ATP8A2: variants seen among roughly 807,000 people sequenced by gnomAD.
ATP8A2 encodes the protein ATPase phospholipid transporting 8A2.
Under a neutral mutation model 165.6 loss-of-function variants are expected in ATP8A2, and 100 were observed. The ratio of observed to expected loss-of-function variants is 0.60; its 90% CI spans 0.51 to 0.71. ATP8A2 has a LOEUF of 0.71. Among genes scored for constraint, ATP8A2 ranks in the 30% least tolerant of loss-of-function variants. ATP8A2 has a pLI of 0.00. For synonymous variants in ATP8A2, 543 were observed against 548.8 expected (o/e 0.99, Z 0.15); for missense variants, 1,227 against 1,479.5 (o/e 0.83, Z 2.80).
At chr13:25,808,312 G>T (rs1950786627) in intron 27 of ATP8A2, among the ~76,000 whole-genome samples, 2 of 151,704 alleles carry the variant, frequency 1.3e-5, no homozygotes, top group Admixed American at 1.3e-4. Flanking sequence ...TAAATTTTTT[G>T]TAGAGGCCAG....
At chr13:25,806,036 A>C (rs1325561090) in intron 27 of ATP8A2, among the ~76,000 whole-genome samples, 4 of 152,206 alleles carry the variant, frequency 2.6e-5, no homozygotes, top group African/African-American at 9.6e-5. Flanking sequence ...ATGGGAGATC[A>C]TTCTTCATTT....
intron 1 of ATP8A2, among the ~76,000 whole-genome samples, chr13:25,406,375 T>A (rs1432461930): frequency 6.6e-6 from 1 of 152,202 alleles, no homozygotes; most frequent in African/African-American, 2.4e-5. Flanking sequence ...AGATTTATGG[T>A]AAGTACCTGC....
At chr13:25,651,209 C>T (rs1293840898) in intron 24 of ATP8A2, among the ~76,000 whole-genome samples, 2 of 152,068 alleles carry the variant, frequency 1.3e-5, no homozygotes, top group Non-Finnish European at 2.9e-5. Context: ...TTTTGGGAGG[C>T]CAAGATGGGT....
At chr13:25,430,847 C>T (rs1056636800) in intron 1 of ATP8A2, among the ~76,000 whole-genome samples, 3 of 152,142 alleles carry the variant, frequency 2.0e-5, no homozygotes, top group Non-Finnish European at 4.4e-5. Flanking sequence ...ATCCACCCGC[C>T]TCGGCCTCCC....
chr13:25,441,500 A>T (rs890563468), intron 1 of ATP8A2, among the ~76,000 whole-genome samples: 5 of 152,206 alleles, frequency 3.3e-5, no homozygotes, highest in Non-Finnish European at 7.3e-5. Flanking sequence ...ACTGTGAAAT[A>T]CTTGACCGTT....
intron 36 of ATP8A2, among the ~76,000 whole-genome samples, chr13:26,013,129 C>A (rs900509458): frequency 6.6e-6 from 1 of 151,658 alleles, no homozygotes; most frequent in Non-Finnish European, 1.5e-5. Flanking sequence ...CTCTCCACTG[C>A]CCCCGACTTT....
intron 25 of ATP8A2, among the ~76,000 whole-genome samples, chr13:25,712,494 C>T (rs958939100): frequency 6.6e-6 from 1 of 152,120 alleles, no homozygotes; most frequent in Non-Finnish European, 1.5e-5. Context: ...AGGTGACTGG[C>T]GGGGCCAGAC....
chr13:25,471,568 A>G (rs1031720439), intron 2 of ATP8A2, among the ~76,000 whole-genome samples: 10 of 152,122 alleles, frequency 6.6e-5, no homozygotes, highest in African/African-American at 2.2e-4. Flanking sequence ...GTCTCAAACT[A>G]CTGACCTCAG....
intron 33 of ATP8A2, among the ~76,000 whole-genome samples, chr13:25,933,272 A>G (rs1456344304): frequency 1.3e-5 from 2 of 151,970 alleles, no homozygotes; most frequent in Non-Finnish European, 2.9e-5. Context: ...CTTGGCGGGG[A>G]TGTTCTTGGA....
intron 33 of ATP8A2, chr13:25,867,941 A>G (rs750306048): frequency 4.6e-6 from 1 of 217,556 alleles, no homozygotes; most frequent in Non-Finnish European, 9.8e-6. Context: ...ATTACTTTTT[A>G]TTTGACAAGT....
chr13:25,781,361 T>C (rs1163152276), intron 27 of ATP8A2, among the ~76,000 whole-genome samples: 1 of 152,266 alleles, frequency 6.6e-6, no homozygotes, highest in African/African-American at 2.4e-5. Context: ...TTTTTTAAAA[T>C]TGTTTTGCAA....
intron 1 of ATP8A2, among the ~76,000 whole-genome samples, chr13:25,440,329 C>T (rs2034897596): frequency 6.6e-6 from 1 of 152,128 alleles, no homozygotes. Context: ...TCTTCCTTCC[C>T]CTTTTTCCTT....
intron 33 of ATP8A2, among the ~76,000 whole-genome samples, chr13:25,957,545 C>G (rs1955555313): frequency 6.6e-6 from 1 of 152,158 alleles, no homozygotes; most frequent in Non-Finnish European, 1.5e-5. Context: ...TAGAGAAATG[C>G]AAGTCAAAAC....
intron 1 of ATP8A2, among the ~76,000 whole-genome samples, chr13:25,453,769 G>T (rs2035290275): frequency 6.6e-6 from 1 of 152,330 alleles, no homozygotes; most frequent in African/African-American, 2.4e-5. Context: ...TCTTGACAGG[G>T]TTTTTGATTC....
chr13:25,431,523 T>G (rs1315554829), intron 1 of ATP8A2, among the ~76,000 whole-genome samples: 1 of 152,088 alleles, frequency 6.6e-6, no homozygotes, highest in Non-Finnish European at 1.5e-5. Flanking sequence ...TCTCATACAA[T>G]TATGATGGAA....
At chr13:25,449,738 T>C (rs1357196110) in intron 1 of ATP8A2, among the ~76,000 whole-genome samples, 1 of 152,228 alleles carries the variant, frequency 6.6e-6, no homozygotes, top group Non-Finnish European at 1.5e-5. Context: ...ATTAAATGCA[T>C]AAATGCTTAG....
In ATP8A2 at chr13:25,395,183, G is replaced by A. The variant is rs184970770; in HGVS notation, c.76+22895G>A. ...GGCCCTCGCTCCTGAACCTAGGATG[G>A]TAGAGGGGCAGGGTTTTCCACCCAC... On this transcript the variant is annotated intron_variant, in intron 1 of 36. Transcript: ENST00000381655. Among the ~76,000 whole-genome samples, 100 of 152,228 alleles carry A rather than the reference G, an allele frequency of 6.6e-4. 1 individual carries two copies. The highest frequency in any genetic ancestry group is 2.1e-3 in the African/African-American group (88 of 41,552).
At chr13:25,537,896 A>T (rs1048463074) in intron 6 of ATP8A2, 92 bp from the exon 7 acceptor site, 13 of 794,124 alleles carry the variant, frequency 1.6e-5, no homozygotes, top group East Asian at 5.3e-5. Context: ...TTATATAATA[A>T]TTTTTTCTTC....
At position 25,617,020 on chromosome 13, in the gene ATP8A2, AGCCTG is replaced by A. The variant is rs2040845363; in HGVS notation, c.2211+27323_2211+27327del. 1.3e-5 allele frequency among the ~76,000 whole-genome samples: 2 copies of A among 152,218 alleles called. 1 individual carries two copies. Among genetic ancestry groups the A allele is most frequent in the South Asian group, 4.1e-4 (2 of 4,830 alleles). ...AAATGATTTCATAGAATAAAACTGAAGCCTGGTTTATCTTGAAAAGAAATTATTGC... is the reference window on the plus strand; with the variant it reads ...AAATGATTTCATAGAATAAAACTGAAGTTTATCTTGAAAAGAAATTATTGC... On this transcript the variant is annotated intron_variant, in intron 24 of 36. Transcript: ENST00000381655.
Sources: gnomAD v4.1 joint callset for allele counts (sites outside exome capture counted in the v4.1 genomes callset) on GRCh38, gnomAD v4.1.1 for gene constraint, MANE v1.5 for transcripts, NCBI Gene and HGNC (gene_info 2026-07-23, HGNC 2026-07-21) for gene names.